CNTNAP2: variants seen among roughly 807,000 people sequenced by gnomAD.
CNTNAP2 encodes contactin-associated protein-like 2.
A neutral mutation model predicts 155.2 loss-of-function variants in CNTNAP2; 98 were observed. The observed-to-expected ratio is 0.63, with a 90% confidence interval of 0.54 to 0.75. The LOEUF (loss-of-function observed/expected upper bound fraction) is 0.75, where lower values mean the gene tolerates loss of function less well. Among genes scored for constraint, CNTNAP2 ranks in the 30% least tolerant of loss-of-function variants. The probability of loss-of-function intolerance (pLI) is 0.00; values close to 1 mark genes in which losing one functional copy is unlikely to be tolerated. For missense variants in CNTNAP2, 1,727 were observed against 1,688.1 expected (o/e 1.02, Z -0.40); for synonymous variants, 651 against 631.2 (o/e 1.03, Z -0.47).
chr7:147,136,912 C>T (rs573209861), intron 8 of CNTNAP2, among the ~76,000 whole-genome samples: 2 of 151,822 alleles, frequency 1.3e-5, no homozygotes, highest in East Asian at 1.9e-4. Context: ...CTAAATGTTT[C>T]AGCATTACTA....
At chr7:146,509,857 C>T (rs948099191) in intron 1 of CNTNAP2, among the ~76,000 whole-genome samples, 1 of 152,272 alleles carries the variant, frequency 6.6e-6, no homozygotes, top group Admixed American at 6.5e-5. Context: ...CTCTGTGCTT[C>T]CAGGTGCTTC....
At chr7:146,160,936 C>G (rs1004609061) in intron 1 of CNTNAP2, among the ~76,000 whole-genome samples, 1 of 152,060 alleles carries the variant, frequency 6.6e-6, no homozygotes, top group African/African-American at 2.4e-5. Flanking sequence ...TGATGAATAT[C>G]GATGCAAAAA....
Position 146,784,822 on chromosome 7 carries a change from G to A in CNTNAP2, c.208+10441G>A, listed in dbSNP as rs73740867. On this transcript the variant is annotated intron_variant, in intron 2 of 23. Transcript: ENST00000361727. ...ACACCTCCCTCTGTGCGTAGATATC[G>A]TTTCTATGAAATTTCTGGAGAATGG... is the stretch of plus-strand genomic sequence containing the variant. Among the ~76,000 whole-genome samples, 526 of 152,212 alleles carry A rather than the reference G, an allele frequency of 3.5e-3. 1 individual carries two copies. The highest frequency in any genetic ancestry group is 0.012 in the African/African-American group (487 of 41,544).
At chr7:146,374,191 A>T (rs1795274830) in intron 1 of CNTNAP2, among the ~76,000 whole-genome samples, 1 of 152,198 alleles carries the variant, frequency 6.6e-6, no homozygotes, top group Non-Finnish European at 1.5e-5. Context: ...ATTATGAAAA[A>T]AAAAGTGGCT....
At chr7:147,622,192 G>A (rs1438615810) in intron 12 of CNTNAP2, among the ~76,000 whole-genome samples, 1 of 151,906 alleles carries the variant, frequency 6.6e-6, no homozygotes, top group Non-Finnish European at 1.5e-5. Flanking sequence ...AATAACTAGA[G>A]AATTCAACAC....
chr7:148,164,810 A>C (rs191332079), intron 17 of CNTNAP2, among the ~76,000 whole-genome samples: 35 of 130,124 alleles, frequency 2.7e-4, no homozygotes, highest in Middle Eastern at 7.4e-3. Flanking sequence ...TTTATTTTTT[A>C]TTTTTTATTT....
At chr7:146,668,069 T>G (rs529513415) in intron 1 of CNTNAP2, among the ~76,000 whole-genome samples, 93 of 152,224 alleles carry the variant, frequency 6.1e-4, no homozygotes, top group African/African-American at 2.0e-3. Context: ...AGGAAAAGAT[T>G]TTAGCTTTTG....
At chr7:148,214,622 A>G (rs889891952) in intron 18 of CNTNAP2, among the ~76,000 whole-genome samples, 3 of 152,102 alleles carry the variant, frequency 2.0e-5, no homozygotes, top group Non-Finnish European at 2.9e-5. Context: ...GCCAGGCTGG[A>G]ATGCAGTGGC....
intron 13 of CNTNAP2, among the ~76,000 whole-genome samples, chr7:147,706,877 A>T (rs1176142301): frequency 6.6e-6 from 1 of 151,682 alleles, no homozygotes; most frequent in African/African-American, 2.4e-5. Flanking sequence ...ACCGCTCTTA[A>T]AGTTCGGAAA....
At chr7:147,426,155 A>C (rs1189259601) in intron 10 of CNTNAP2, among the ~76,000 whole-genome samples, 1 of 151,770 alleles carries the variant, frequency 6.6e-6, no homozygotes, top group East Asian at 1.9e-4. Context: ...GGGAGGGTGT[A>C]CTTTACCTTT....
At chr7:148,117,942 C>T (rs1804511859) in intron 15 of CNTNAP2, among the ~76,000 whole-genome samples, 176 bp from the exon 16 acceptor site, 2 of 151,684 alleles carry the variant, frequency 1.3e-5, no homozygotes, top group South Asian at 4.1e-4. Flanking sequence ...ACACATATAA[C>T]TTTTGGAAAG....
intron 1 of CNTNAP2, among the ~76,000 whole-genome samples, chr7:146,670,085 T>C (rs958847644): frequency 1.3e-5 from 2 of 152,334 alleles, no homozygotes; most frequent in African/African-American, 4.8e-5. Flanking sequence ...TTTTAGTGTA[T>C]GTATTTGTTC....
chr7:147,275,647 C>A (rs762175219), intron 8 of CNTNAP2, among the ~76,000 whole-genome samples: 2 of 151,988 alleles, frequency 1.3e-5, no homozygotes, highest in Non-Finnish European at 2.9e-5. Flanking sequence ...TGTTTGGATG[C>A]CTTTTACTTA....
At chr7:147,280,783 C>T (rs1214978508) in intron 8 of CNTNAP2, among the ~76,000 whole-genome samples, 3 of 151,752 alleles carry the variant, frequency 2.0e-5, no homozygotes, top group South Asian at 2.1e-4. Context: ...AAAAATAAAG[C>T]GAGTGGGAAG....
Position 146,973,332 on chromosome 7 carries a change from C to T in CNTNAP2, c.403-70575C>T, listed in dbSNP as rs545983148. 3.3e-5 allele frequency among the ~76,000 whole-genome samples: 5 copies of T among 152,226 alleles called. No homozygotes were observed. In the South Asian group the frequency reaches 1.0e-3, roughly 32 times the overall value. ...CGTGAGCCACCGCGCCTGGCCCACA[C>T]TGGTTATATTTCAAGCACTCAATAG... On this transcript the variant is annotated intron_variant, in intron 3 of 23. Transcript: ENST00000361727.
At chr7:148,224,076 T>TAA (rs112518431) in intron 19 of CNTNAP2, among the ~76,000 whole-genome samples, 20,552 of 146,978 alleles carry the variant, frequency 0.14, 1,626 homozygotes, top group East Asian at 0.29. Context: ...TTCAGACCTT[T>TAA]AAAAAAAAAA....
intron 13 of CNTNAP2, among the ~76,000 whole-genome samples, chr7:147,788,460 A>G (rs1311591885): frequency 1.3e-5 from 2 of 152,224 alleles, no homozygotes; most frequent in African/African-American, 4.8e-5. Flanking sequence ...AGAGAAATCA[A>G]GATGCTCAAC....
chr7:146,916,454 T>C (rs1175830719), intron 3 of CNTNAP2, among the ~76,000 whole-genome samples: 1 of 152,134 alleles, frequency 6.6e-6, no homozygotes, highest in Non-Finnish European at 1.5e-5. Context: ...TATCTGGTCC[T>C]GGACTTTTGT....
chr7:146,572,269 T>C (rs927553215), intron 1 of CNTNAP2, among the ~76,000 whole-genome samples: 1 of 127,248 alleles, frequency 7.9e-6, no homozygotes, highest in Non-Finnish European at 1.6e-5. Flanking sequence ...GTTGTCTTTT[T>C]TTTTTTTTTT....
Sources: gnomAD v4.1 joint callset for allele counts (sites outside exome capture counted in the v4.1 genomes callset) on GRCh38, gnomAD v4.1.1 for gene constraint, MANE v1.5 for transcripts, NCBI Gene and HGNC (gene_info 2026-07-23, HGNC 2026-07-21) for gene names.